DISP1: variants seen among roughly 807,000 people sequenced by gnomAD.
The protein encoded by DISP1 is dispatched RND transporter family member 1.
DISP1 carries 30 observed loss-of-function variants against 37.3 expected under a neutral mutation model. The observed-to-expected ratio is 0.80, with a 90% confidence interval of 0.60 to 1.09. The LOEUF is 1.09. Ranked by LOEUF, DISP1 falls within the 50% of genes least tolerant of loss-of-function variation. DISP1 has a pLI of 0.00. For synonymous variants in DISP1, 634 were observed against 690.2 expected (o/e 0.92, Z 1.28); for missense variants, 1,598 against 1,879.5 (o/e 0.85, Z 2.77).
chr1:222,978,079 T>TTTC (rs1677529224), intron 3 of DISP1, among the ~76,000 whole-genome samples: 3 of 152,212 alleles, frequency 2.0e-5, no homozygotes, highest in Admixed American at 1.3e-4. Flanking sequence ...TCAAATGGTA[T>TTTC]TTCTAGTTCT....
At chr1:222,897,938 GA>G (rs1388351803) in intron 1 of DISP1, among the ~76,000 whole-genome samples, 1 of 152,054 alleles carries the variant, frequency 6.6e-6, no homozygotes, top group African/African-American at 2.4e-5. Flanking sequence ...TGAATCATAG[GA>G]ATATTTAAGT....
chr1:222,889,151 A>G (rs72742234), intron 1 of DISP1, among the ~76,000 whole-genome samples: 232 of 152,184 alleles, frequency 1.5e-3, no homozygotes, highest in Admixed American at 2.4e-3. Flanking sequence ...ATTTTTTATT[A>G]CACTATATGG....
chr1:222,874,247 T>C (rs1669801932), intron 1 of DISP1, among the ~76,000 whole-genome samples: 1 of 151,876 alleles, frequency 6.6e-6, no homozygotes, highest in Non-Finnish European at 1.5e-5. Flanking sequence ...CTGACAATTA[T>C]GTGTCTTGGA....
intron 3 of DISP1, among the ~76,000 whole-genome samples, chr1:222,957,030 T>G (rs1675649633): frequency 6.6e-6 from 1 of 151,166 alleles, no homozygotes; most frequent in Non-Finnish European, 1.5e-5. Flanking sequence ...CTTCATAGGC[T>G]AAGGAAGAAT....
chr1:222,875,169 C>A (rs1444118823), intron 1 of DISP1, among the ~76,000 whole-genome samples: 4 of 151,872 alleles, frequency 2.6e-5, no homozygotes, highest in Non-Finnish European at 4.4e-5. Flanking sequence ...CATGATGTGC[C>A]TTAAATTTAG....
chr1:222,836,021 A>G (rs1430466697), intron 1 of DISP1, among the ~76,000 whole-genome samples: 1 of 151,848 alleles, frequency 6.6e-6, no homozygotes, highest in Non-Finnish European at 1.5e-5. Flanking sequence ...TGTATTTAAG[A>G]TAGTAGTAGC....
intron 1 of DISP1, among the ~76,000 whole-genome samples, chr1:222,915,425 G>A (rs1178380737): frequency 2.0e-5 from 3 of 152,198 alleles, no homozygotes; most frequent in Non-Finnish European, 4.4e-5. Context: ...ATGGGAAGGA[G>A]GAGTGTATAA....
chr1:222,848,367 A>G (rs1048209095), intron 1 of DISP1, among the ~76,000 whole-genome samples: 15 of 152,192 alleles, frequency 9.9e-5, no homozygotes, highest in Non-Finnish European at 1.9e-4. Context: ...TAGCATCTCA[A>G]TATAAAAGGA....
chr1:222,833,740 AT>A (rs1274094881), intron 1 of DISP1, among the ~76,000 whole-genome samples: 1 of 152,192 alleles, frequency 6.6e-6, no homozygotes, highest in Non-Finnish European at 1.5e-5. Context: ...AGCCAGATTG[AT>A]TTTTATGCAG....
chr1:222,834,433 TAGAC>T (rs1309770856), intron 1 of DISP1, among the ~76,000 whole-genome samples: 1 of 152,130 alleles, frequency 6.6e-6, no homozygotes, highest in Non-Finnish European at 1.5e-5. Flanking sequence ...CAGTAGAACT[TAGAC>T]AGGCAGGAAT....
intron 3 of DISP1, among the ~76,000 whole-genome samples, chr1:222,950,578 G>T (rs1675144456): frequency 6.6e-6 from 1 of 151,870 alleles, no homozygotes; most frequent in South Asian, 2.1e-4. Context: ...CCGGCCTCGA[G>T]GACAGAGCGA....
At chr1:222,991,734 A>G (rs554606195) in intron 6 of DISP1, 87 bp downstream of exon 6, 2 of 1,400,192 alleles carry the variant, frequency 1.4e-6, no homozygotes, top group East Asian at 5.0e-5. Flanking sequence ...CAAAAAATTT[A>G]AATGTAAAAT....
chr1:222,852,574 A>C (rs1405680688), intron 1 of DISP1, among the ~76,000 whole-genome samples: 1 of 151,924 alleles, frequency 6.6e-6, no homozygotes, highest in African/African-American at 2.4e-5. Flanking sequence ...AAAATGTAGA[A>C]CTCCTCTAAG....
chr1:222,924,753 G>C (rs1001861674), intron 1 of DISP1, among the ~76,000 whole-genome samples: 9 of 152,030 alleles, frequency 5.9e-5, no homozygotes, highest in Non-Finnish European at 1.2e-4. Flanking sequence ...TTAATGCTAA[G>C]AAAAAAGATA....
At chr1:222,923,296 G>C (rs759171123) in intron 1 of DISP1, among the ~76,000 whole-genome samples, 2 of 152,120 alleles carry the variant, frequency 1.3e-5, no homozygotes, top group Non-Finnish European at 2.9e-5. Context: ...TTCTCTATTT[G>C]CACTGCCCAA....
intron 1 of DISP1, among the ~76,000 whole-genome samples, chr1:222,899,057 T>C (rs547476843): frequency 3.3e-5 from 5 of 152,302 alleles, no homozygotes; most frequent in Admixed American, 3.3e-4. Context: ...AATAACACTT[T>C]ATATAAATAT....
chr1:222,996,074 G>A (rs1012057325), intron 8 of DISP1, among the ~76,000 whole-genome samples: 1 of 152,074 alleles, frequency 6.6e-6, no homozygotes, highest in Non-Finnish European at 1.5e-5. Flanking sequence ...CTTTCCAATC[G>A]ACTGAGGTAT....
chr1:222,935,677 G>C (rs1255243120), intron 2 of DISP1, among the ~76,000 whole-genome samples: 2 of 144,706 alleles, frequency 1.4e-5, no homozygotes, highest in Non-Finnish European at 3.0e-5. Context: ...TGAGCCCTGT[G>C]TTTGTTACGG....
rs372538715 is a variant in DISP1, at chr1:223,003,632, C to G, written c.2235C>G (p.Pro745=). ...GTATAAATCCAAAGATGAAACTGCC[C>G]TCACTGGAGTTATCCGAGTTCCAGG... is the stretch of plus-strand genomic sequence containing the variant. ...IVCINPKMKL[P]SLELSEFQVF... is the part of the protein sequence containing the mutation. The change falls in exon 9 of 9, where the codon CCC becomes CCG. Residue 745 remains proline (P), a synonymous_variant. Transcript: ENST00000675850. The surrounding 1 kb of genome is among the most constrained non-coding windows in gnomAD (Gnocchi z 4.3). 5.6e-6 allele frequency: 9 copies of G among 1,614,056 alleles called. No homozygotes were observed. The African/African-American group carries it at 8.0e-5, about 14-fold the overall frequency.
Sources: allele counts gnomAD v4.1 joint callset (sites outside exome capture counted in the v4.1 genomes callset), GRCh38; gene constraint gnomAD v4.1.1; non-coding constraint Gnocchi (gnomAD v3.1); transcripts MANE v1.5; gene names NCBI Gene and HGNC (gene_info 2026-07-23, HGNC 2026-07-21).